The following CADPS variants were observed in gnomAD, a reference collection of about 807,000 sequenced individuals.
The protein encoded by CADPS is calcium-dependent secretion activator 1.
A neutral mutation model predicts 167.3 loss-of-function variants in CADPS; 57 were observed. The ratio of observed to expected loss-of-function variants is 0.34; its 90% CI spans 0.28 to 0.42. The LOEUF (loss-of-function observed/expected upper bound fraction) is 0.42, where lower values mean the gene tolerates loss of function less well. CADPS is among the 20% of genes least tolerant of loss of function. The pLI is 1.00. For missense variants in CADPS, 1,414 were observed against 1,738.1 expected (o/e 0.81, Z 3.32); for synonymous variants, 676 against 635.3 (o/e 1.06, Z -0.96).
At chr3:62,575,804 G>C (rs2082151201) in intron 8 of CADPS, among the ~76,000 whole-genome samples, 1 of 152,194 alleles carries the variant, frequency 6.6e-6, no homozygotes, top group African/African-American at 2.4e-5. Context: ...CTGGTTAAAG[G>C]CTTCCGAATG....
intron 3 of CADPS, among the ~76,000 whole-genome samples, chr3:62,750,835 T>C (rs565700037): frequency 1.8e-4 from 28 of 152,332 alleles, no homozygotes; most frequent in Non-Finnish European, 2.1e-4. Context: ...CTTTTATTGC[T>C]GTTCTATTGG....
At chr3:62,467,596 GA>G (rs1560778373) in intron 24 of CADPS, among the ~76,000 whole-genome samples, 1 of 152,050 alleles carries the variant, frequency 6.6e-6, no homozygotes, top group African/African-American at 2.4e-5. Context: ...GCAAAGTTGG[GA>G]AGTCATGTTA....
At position 62,585,329 on chromosome 3, in the gene CADPS, AG is replaced by A; in HGVS notation, c.1438-6del. On this transcript the variant is annotated splice_region_variant and splice_polypyrimidine_tract_variant and intron_variant, in intron 7 of 29. Coordinates refer to ENST00000383710, the MANE Select transcript of CADPS (RefSeq NM_003716.4). The stretch of plus-strand genomic sequence containing the variant: ...CGGGGTGGGATGGAGAATAACCTGT[AG>A]GGGAAAAAGGACAAGCAACTAGAAA... 1.3e-6 allele frequency: 2 copies of A among 1,596,458 alleles called. No individual in the cohort carries two copies. The highest frequency in any genetic ancestry group is 1.7e-6 in the Non-Finnish European group (2 of 1,174,420).
intron 4 of CADPS, among the ~76,000 whole-genome samples, chr3:62,658,661 G>GTATTGATAGTAT (rs2072355902): frequency 6.6e-6 from 1 of 152,084 alleles, no homozygotes; most frequent in Admixed American, 6.5e-5. Context: ...TTACTATTGG[G>GTATTGATAGTAT]TACATCTGGA....
chr3:62,667,433 T>G (rs148462607), intron 3 of CADPS, among the ~76,000 whole-genome samples: 91 of 152,188 alleles, frequency 6.0e-4, no homozygotes, highest in African/African-American at 2.1e-3. Context: ...GACCTCTCGG[T>G]GCACAGTCCC....
Position 62,478,011 on chromosome 3 carries a change from G to C in CADPS, c.3329+250C>G. ...AGGGATACAAAAAAGAATGGACAGG[G>C]ATCTTTTCCTCTTAAAGCCAACAAC... On this transcript the variant is annotated intron_variant, in intron 23 of 29. Coordinates refer to ENST00000383710, the MANE Select transcript of CADPS (RefSeq NM_003716.4). This position sits in a 1 kb window ranked among gnomAD's most constrained non-coding sequence, Gnocchi z 5.7. The C allele has an allele frequency of 2.2e-6, 1 of 462,036 alleles. No individual in the cohort carries two copies. The highest frequency in any genetic ancestry group is 3.9e-6 in the Non-Finnish European group (1 of 256,258). 28.6% of individuals were successfully genotyped at this position (462,036 alleles called of 1,614,324 possible). A position where few individuals can be genotyped will look rare whatever the true frequency, so the allele number is the denominator to read the frequency against.
At chr3:62,801,099 C>A (rs2093734898) in intron 1 of CADPS, among the ~76,000 whole-genome samples, 1 of 152,102 alleles carries the variant, frequency 6.6e-6, no homozygotes, top group Non-Finnish European at 1.5e-5. Context: ...GTTTCTTCAT[C>A]TGTAGAGTGG....
Position 62,467,271 on chromosome 3 carries a change from G to C in CADPS, c.3478-858C>G, listed in dbSNP as rs548217037. 3.3e-6 allele frequency: 4 copies of C among 1,196,988 alleles called. No individual in the cohort carries two copies. The Admixed American group carries it at 1.2e-4, about 35-fold the overall frequency. 74.1% of individuals were successfully genotyped at this position (1,196,988 alleles called of 1,614,324 possible). A position where few individuals can be genotyped will look rare whatever the true frequency, so the allele number is the denominator to read the frequency against. Reference sequence around the variant, plus strand: ...ACAAAAAATAACAATGCAAGACATTGTTATTTGAAAAGGAAAATGCACTTA... The same window carrying C: ...ACAAAAAATAACAATGCAAGACATTCTTATTTGAAAAGGAAAATGCACTTA... On this transcript the variant is annotated intron_variant, in intron 24 of 29. Coordinates refer to ENST00000383710, the MANE Select transcript of CADPS (RefSeq NM_003716.4).
In CADPS at chr3:62,402,363, T is replaced by C. The variant is rs540511063; in HGVS notation, c.3882+718A>G. On this transcript the variant is annotated intron_variant, in intron 29 of 29. Coordinates refer to ENST00000383710, the MANE Select transcript of CADPS (RefSeq NM_003716.4). ...GACTTTGTGCTTTGAATGAGATTTT[T>C]GCATACAAATGTTTTAAAACCCTCT... is the stretch of plus-strand genomic sequence containing the variant. Among the ~76,000 whole-genome samples the C allele has an allele frequency of 1.0e-3, 159 of 152,300 alleles. 1 individual carries two copies. Among genetic ancestry groups the C allele is most frequent in the South Asian group, 4.4e-3 (21 of 4,824 alleles).
At chr3:62,851,851 A>G (rs1258886483) in intron 1 of CADPS, among the ~76,000 whole-genome samples, 1 of 151,660 alleles carries the variant, frequency 6.6e-6, no homozygotes, top group East Asian at 1.9e-4. Flanking sequence ...GTTCTCCTGG[A>G]TAACATCCTG....
chr3:62,403,042 A>G, intron 29 of CADPS, 39 bp downstream of exon 29: 1 of 1,279,416 alleles, frequency 7.8e-7, no homozygotes, highest in South Asian at 1.2e-5. Context: ...ATATTTCAGT[A>G]AGCTATTTGC....
intron 1 of CADPS, among the ~76,000 whole-genome samples, chr3:62,873,996 G>A (rs1420657609): frequency 1.3e-5 from 2 of 152,334 alleles, no homozygotes; most frequent in African/African-American, 2.4e-5. Flanking sequence ...GCAGGGAGAG[G>A]AGGGTGCCCT....
intron 28 of CADPS, among the ~76,000 whole-genome samples, chr3:62,437,248 G>A (rs1328149797): frequency 6.6e-6 from 1 of 152,062 alleles, no homozygotes; most frequent in Non-Finnish European, 1.5e-5. Context: ...GGCAAATTCG[G>A]TGGAAACCCG....
rs1331026559 is a variant in CADPS, at chr3:62,420,934, AC to A, written c.3777+17169del. Among the ~76,000 whole-genome samples, 1 of 150,612 alleles carries A rather than the reference AC, an allele frequency of 6.6e-6. No individual in the cohort carries two copies. The highest frequency in any genetic ancestry group is 1.9e-4 in the East Asian group (1 of 5,142). On this transcript the variant is annotated intron_variant, in intron 28 of 29. Transcript: ENST00000383710. This position sits in a 1 kb window ranked among gnomAD's most constrained non-coding sequence, Gnocchi z 4.1. ...CACACACACACTTGCCAGATCACTTACCCAAACCTTACCCTGGGGAGCCAGC... is the reference window on the plus strand; with the variant it reads ...CACACACACACTTGCCAGATCACTTACCAAACCTTACCCTGGGGAGCCAGC...
At chr3:62,802,429 G>A (rs530161296) in intron 1 of CADPS, among the ~76,000 whole-genome samples, 1 of 152,176 alleles carries the variant, frequency 6.6e-6, no homozygotes, top group Admixed American at 6.5e-5. Flanking sequence ...TCTCTAAACA[G>A]CCTTCATATT....
At chr3:62,497,349 A>G (rs557266247) in intron 18 of CADPS, among the ~76,000 whole-genome samples, 22 of 152,302 alleles carry the variant, frequency 1.4e-4, no homozygotes, top group Non-Finnish European at 2.6e-4. Context: ...TATGTCTTCA[A>G]GAATGTGTGG....
At chr3:62,464,015 G>T (rs2059667951) in intron 26 of CADPS, among the ~76,000 whole-genome samples, 1 of 152,334 alleles carries the variant, frequency 6.6e-6, no homozygotes, top group Non-Finnish European at 1.5e-5. Context: ...GAAAGAAGTT[G>T]TGTGCATGTA....
intron 6 of CADPS, among the ~76,000 whole-genome samples, chr3:62,599,858 TA>T (rs2059670680): frequency 3.1e-5 from 2 of 65,052 alleles, no homozygotes; most frequent in Non-Finnish European, 5.1e-5. Flanking sequence ...ATATAATATA[TA>T]TAATATATAA....
chr3:62,583,032 G>A (rs62243552), intron 8 of CADPS, among the ~76,000 whole-genome samples: 5 of 38,778 alleles, frequency 1.3e-4, no homozygotes, highest in Non-Finnish European at 6.1e-4. Context: ...GAGAGAACTC[G>A]AATGTAGGTT....
Sources: gnomAD v4.1 joint callset for allele counts (sites outside exome capture counted in the v4.1 genomes callset) on GRCh38, gnomAD v4.1.1 for gene constraint, Gnocchi (gnomAD v3.1) non-coding constraint, MANE v1.5 for transcripts, NCBI Gene and HGNC (gene_info 2026-07-23, HGNC 2026-07-21) for gene names.